The following ERG variants were observed in gnomAD, a reference collection of about 807,000 sequenced individuals.
The protein encoded by ERG is ETS transcription factor ERG.
ERG carries 9 observed loss-of-function variants against 55.3 expected under a neutral mutation model. The ratio of observed to expected loss-of-function variants is 0.16; its 90% CI spans 0.10 to 0.28. The LOEUF (loss-of-function observed/expected upper bound fraction) is 0.28. Ranked by LOEUF, ERG falls within the 10% of genes least tolerant of loss-of-function variation. The pLI is 1.00. For synonymous variants in ERG, 223 were observed against 237.3 expected, an observed-to-expected ratio of 0.94 and a Z score of 0.55; for missense variants, 434 against 631.6, an observed-to-expected ratio of 0.69 and a Z score of 3.35.
chr21:38,450,465 A>G (rs1242057299), intron 1 of ERG, among the ~76,000 whole-genome samples: 3 of 152,212 alleles, frequency 2.0e-5, no homozygotes, highest in East Asian at 3.8e-4. Context: ...GAGATCATTC[A>G]CTTAGGAAGC....
intron 1 of ERG, among the ~76,000 whole-genome samples, chr21:38,577,209 C>G (rs1420932891): frequency 6.6e-6 from 1 of 152,120 alleles, no homozygotes; most frequent in Non-Finnish European, 1.5e-5. Context: ...GAGTCCTCCC[C>G]ACATTCACAT....
intron 1 of ERG, among the ~76,000 whole-genome samples, chr21:38,493,214 T>C (rs538708885): frequency 6.6e-6 from 1 of 152,350 alleles, no homozygotes; most frequent in African/African-American, 2.4e-5. Flanking sequence ...TGCAATATAA[T>C]GAGTGAAACA....
intron 1 of ERG, among the ~76,000 whole-genome samples, chr21:38,600,673 G>A (rs1320917500): frequency 6.6e-6 from 1 of 152,192 alleles, no homozygotes; most frequent in East Asian, 1.9e-4. Context: ...AGCTGCAAAA[G>A]TAAGAAATCG....
At chr21:38,523,645 CCA>C (rs1192240839) in intron 2 of ERG, among the ~76,000 whole-genome samples, 2 of 152,182 alleles carry the variant, frequency 1.3e-5, no homozygotes. Context: ...CCGTAAAACC[CCA>C]GTTACCCACA....
chr21:38,404,802 G>C (rs931930479), intron 3 of ERG, among the ~76,000 whole-genome samples: 8 of 152,172 alleles, frequency 5.3e-5, no homozygotes, highest in African/African-American at 1.9e-4. Context: ...AGTCAGGTGT[G>C]GGAGTCACAT....
chr21:38,369,579 G>A, the ERG span, among the ~76,000 whole-genome samples: 1 of 152,106 alleles, frequency 6.6e-6, no homozygotes, highest in South Asian at 2.1e-4. Flanking sequence ...TAGATTGTCT[G>A]TTTACTCTGT....
intron 1 of ERG, among the ~76,000 whole-genome samples, chr21:38,625,153 C>T (rs1174484384): frequency 6.6e-6 from 1 of 152,010 alleles, no homozygotes; most frequent in Non-Finnish European, 1.5e-5. Context: ...AACCATATGG[C>T]ATAAAGCTGT....
chr21:38,581,809 C>T (rs1049860284), intron 1 of ERG, among the ~76,000 whole-genome samples: 5 of 152,054 alleles, frequency 3.3e-5, no homozygotes, highest in Non-Finnish European at 5.9e-5. Context: ...CTTGGGAGGC[C>T]GAGGAGGGTG....
upstream of ERG, among the ~76,000 whole-genome samples, chr21:38,589,711 T>C (rs1328489228): frequency 1.3e-5 from 2 of 152,172 alleles, no homozygotes; most frequent in African/African-American, 4.8e-5. Flanking sequence ...CACCTGAGGA[T>C]AAAACCAATG....
intron 3 of ERG, among the ~76,000 whole-genome samples, chr21:38,412,868 G>T (rs929384426): frequency 4.6e-5 from 7 of 152,094 alleles, no homozygotes; most frequent in African/African-American, 1.7e-4. Context: ...GTCTCTATCT[G>T]CAGGAATTCT....
rs142438655 is a variant in ERG at position 38,478,353 on chromosome 21, G to A, written c.18+20010C>T. Among the ~76,000 whole-genome samples, 51 of 152,350 alleles carry A rather than the reference G, an allele frequency of 3.3e-4. 1 individual carries two copies. Among genetic ancestry groups the A allele is most frequent in the African/African-American group, 1.2e-3 (51 of 41,578 alleles). ...CTGTGAAAATAGAGCAAGTGGGACTGACTCTCACATTGCAGGGATATGCAC... is the reference window on the plus strand; with the variant it reads ...CTGTGAAAATAGAGCAAGTGGGACTAACTCTCACATTGCAGGGATATGCAC... On this transcript the variant is annotated intron_variant, in intron 1 of 9. Coordinates refer to ENST00000288319, the MANE Select transcript of ERG (RefSeq NM_182918.4).
At chr21:38,532,472 C>T (rs1304219219) in intron 2 of ERG, among the ~76,000 whole-genome samples, 1 of 152,152 alleles carries the variant, frequency 6.6e-6, no homozygotes, top group Non-Finnish European at 1.5e-5. Flanking sequence ...CTTGTGTTAT[C>T]CCATCATCTA....
At chr21:38,583,327 T>C (rs1468229068) in intron 1 of ERG, among the ~76,000 whole-genome samples, 1 of 152,136 alleles carries the variant, frequency 6.6e-6, no homozygotes, top group Non-Finnish European at 1.5e-5. Flanking sequence ...GCTCTCCCTC[T>C]CAGGCTCATG....
upstream of ERG, among the ~76,000 whole-genome samples, chr21:38,589,114 C>A (rs907209622): frequency 6.6e-6 from 1 of 152,190 alleles, no homozygotes; most frequent in South Asian, 2.1e-4. Flanking sequence ...GCACAGATCT[C>A]CCTGGCCACC....
At chr21:38,447,991 C>G (rs1326531018) in intron 1 of ERG, among the ~76,000 whole-genome samples, 1 of 143,538 alleles carries the variant, frequency 7.0e-6, no homozygotes, top group African/African-American at 2.5e-5. Flanking sequence ...AACAAACAAG[C>G]AATAACTTTA....
intron 1 of ERG, among the ~76,000 whole-genome samples, chr21:38,620,999 A>G (rs2060286842): frequency 6.6e-6 from 1 of 152,238 alleles, no homozygotes. Context: ...TTATTGAGAG[A>G]ACTCGAACTA....
chr21:38,423,370 T>G (rs1989637460), intron 3 of ERG, 40 bp downstream of exon 3: 2 of 1,584,508 alleles, frequency 1.3e-6, no homozygotes, highest in Non-Finnish European at 1.7e-6. Flanking sequence ...CTTGGGGAAG[T>G]TGCGATCTGC....
intron 3 of ERG, among the ~76,000 whole-genome samples, chr21:38,421,216 T>C (rs1989526916): frequency 1.3e-5 from 2 of 152,194 alleles, no homozygotes; most frequent in Admixed American, 6.5e-5. Context: ...TCAAACCAAA[T>C]GCATGGCCTC....
intron 9 of ERG, among the ~76,000 whole-genome samples, chr21:38,390,400 G>A (rs1162953129): frequency 6.6e-6 from 1 of 152,174 alleles, no homozygotes; most frequent in African/African-American, 2.4e-5. Flanking sequence ...AATTCCCTAT[G>A]TTGAAATCTT....
Sources: allele counts gnomAD v4.1 joint callset (sites outside exome capture counted in the v4.1 genomes callset), GRCh38; gene constraint gnomAD v4.1.1; transcripts MANE v1.5; gene names NCBI Gene and HGNC (gene_info 2026-07-23, HGNC 2026-07-21).